The following UNC80 variants were observed in gnomAD, a reference collection of about 807,000 sequenced individuals.
UNC80 encodes the protein protein unc-80 homolog.
UNC80 carries 164 observed loss-of-function variants against 384.6 expected under a neutral mutation model. The observed-to-expected ratio is 0.43, with a 90% CI of 0.38 to 0.49. The LOEUF (loss-of-function observed/expected upper bound fraction) is 0.49, where lower values mean the gene tolerates loss of function less well. Among genes scored for constraint, UNC80 ranks in the 20% least tolerant of loss-of-function variants. UNC80 has a pLI of 0.00. For missense variants in UNC80, 3,330 were observed against 4,143.0 expected (o/e 0.80, Z 5.39); for synonymous variants, 1,486 against 1,527.8 (o/e 0.97, Z 0.64).
At chr2:209,785,115 A>AAGTG (rs2077352786) in intron 4 of UNC80, among the ~76,000 whole-genome samples, 1 of 152,190 alleles carries the variant, frequency 6.6e-6, no homozygotes, top group South Asian at 2.1e-4. Context: ...TAGGAGAGGT[A>AAGTG]AGTGATACCT....
In UNC80 at chr2:209,772,111, C is replaced by G. The variant is rs2076606129; in HGVS notation, c.39C>G (p.Asp13Glu). The G allele has an allele frequency of 6.5e-7, 1 of 1,549,066 alleles. No individual in the cohort carries two copies. Among genetic ancestry groups the G allele is most frequent in the Admixed American group, 2.0e-5 (1 of 50,934 alleles). ...AGAGCTCCGAGGGCCAGGAGCAGGA[C>G]GGCGGCCGCGGCATCCCCCTGCCCA... ...KRKSSEGQEQ[D>E]GGRGIPLPIQ... Residue 13 changes from aspartate (D) to glutamate (E), a missense_variant, in exon 1 of 65, where the codon GAC (aspartate) becomes GAG (glutamate). Around this residue, in one of 8 missense-constraint regions of UNC80, gnomAD observed 86 missense variants for 141.5 expected, o/e 0.61. Transcript: ENST00000673920.
chr2:209,856,418 A>C (rs2082923773), intron 22 of UNC80, among the ~76,000 whole-genome samples: 1 of 152,060 alleles, frequency 6.6e-6, no homozygotes, highest in Non-Finnish European at 1.5e-5. Context: ...CAATTTTTTC[A>C]TACATTTTAA....
At chr2:209,809,328 C>A in intron 7 of UNC80, 1 of 788,116 alleles carries the variant, frequency 1.3e-6, no homozygotes, top group East Asian at 2.5e-5. Flanking sequence ...TGCCCTTCGC[C>A]TGCGAAACCT....
At chr2:209,973,349 GATAA>G (rs886395407) in intron 56 of UNC80, 79 bp downstream of exon 56, 26 of 1,249,696 alleles carry the variant, frequency 2.1e-5, no homozygotes, top group African/African-American at 1.7e-4. Flanking sequence ...TAGATAGATA[GATAA>G]ATAAATAAAT....
At chr2:209,833,930 T>A in intron 16 of UNC80, 72 bp from the exon 17 acceptor site, 2 of 1,471,152 alleles carry the variant, frequency 1.4e-6, no homozygotes, top group Non-Finnish European at 1.8e-6. Context: ...ACTTTCTTCC[T>A]CTCTACCTGG....
chr2:209,945,807 A>T, intron 46 of UNC80, 40 bp from the exon 47 acceptor site: 1 of 1,410,702 alleles, frequency 7.1e-7, no homozygotes, highest in South Asian at 1.2e-5. Context: ...CTCCTGCAAA[A>T]TCCACTCTGA....
intron 18 of UNC80, among the ~76,000 whole-genome samples, chr2:209,838,217 C>T (rs1208251987): frequency 6.6e-6 from 1 of 152,068 alleles, no homozygotes; most frequent in Non-Finnish European, 1.5e-5. Context: ...TTTACCTCCC[C>T]ACTGGGAGTA....
Position 209,772,029 on chromosome 2 carries a change from A to G in UNC80, c.-44A>G. Reference sequence around the variant, plus strand: ...GAGGCGGCGGCGGCGGCTAGCGAGGAGACAGAGCTGGGTCCTGCAGTAGGA... The same window carrying G: ...GAGGCGGCGGCGGCGGCTAGCGAGGGGACAGAGCTGGGTCCTGCAGTAGGA... On this transcript the variant is annotated 5_prime_UTR_variant, in exon 1 of 65. Transcript: ENST00000673920. The G allele has an allele frequency of 7.0e-7, 1 of 1,423,374 alleles. No individual in the cohort carries two copies. The highest frequency in any genetic ancestry group is 9.7e-7 in the Non-Finnish European group (1 of 1,032,896). The allele number at this position is 1,423,374 out of a possible 1,614,324, so 88.2% of individuals were successfully genotyped here.
chr2:209,988,053 T>G (rs2093323985), intron 61 of UNC80, among the ~76,000 whole-genome samples: 1 of 152,172 alleles, frequency 6.6e-6, no homozygotes, highest in South Asian at 2.1e-4. Context: ...ATGTGGCACT[T>G]AAGATATAGT....
chr2:209,888,897 G>A (rs938901983), intron 26 of UNC80, among the ~76,000 whole-genome samples: 12 of 151,956 alleles, frequency 7.9e-5, no homozygotes, highest in South Asian at 4.2e-4. Flanking sequence ...GCATCTATTC[G>A]CACGAAATTC....
chr2:209,962,609 G>T (rs749234479), intron 51 of UNC80, among the ~76,000 whole-genome samples: 5 of 152,164 alleles, frequency 3.3e-5, no homozygotes, highest in Non-Finnish European at 5.9e-5. Flanking sequence ...CTATTTCATG[G>T]CCTGGATCAA....
intron 14 of UNC80, among the ~76,000 whole-genome samples, chr2:209,826,796 C>T (rs957134801): frequency 3.3e-5 from 5 of 151,844 alleles, no homozygotes; most frequent in East Asian, 1.9e-4. Context: ...TGAAATCATA[C>T]GAAAATATTC....
chr2:209,897,555 C>T (rs185668121), intron 28 of UNC80, among the ~76,000 whole-genome samples: 9 of 152,202 alleles, frequency 5.9e-5, no homozygotes, highest in Admixed American at 5.9e-4. Context: ...TAGAATCACC[C>T]TGACGATTTT....
At chr2:209,955,211 C>T (rs534664567) in intron 48 of UNC80, among the ~76,000 whole-genome samples, 71 of 152,186 alleles carry the variant, frequency 4.7e-4, no homozygotes, top group African/African-American at 1.3e-3. Flanking sequence ...AAATTGTCTA[C>T]GCCTCCACCA....
chr2:209,898,814 A>G (rs759049525), intron 28 of UNC80, among the ~76,000 whole-genome samples: 5 of 152,102 alleles, frequency 3.3e-5, no homozygotes, highest in Non-Finnish European at 5.9e-5. Context: ...CTCTATGTCC[A>G]TGAGTTCAAT....
chr2:209,935,469 A>C (rs1165487554), intron 39 of UNC80, among the ~76,000 whole-genome samples: 1 of 152,088 alleles, frequency 6.6e-6, no homozygotes, highest in Non-Finnish European at 1.5e-5. Flanking sequence ...TAAAAATAAA[A>C]ATTTTTTAAA....
chr2:209,860,565 T>A (rs1347689169), intron 22 of UNC80, among the ~76,000 whole-genome samples: 1 of 152,198 alleles, frequency 6.6e-6, no homozygotes, highest in Non-Finnish European at 1.5e-5. Context: ...TTTAGAATAG[T>A]TTTTTCTAAT....
At chr2:209,994,971 T>TA (rs1186956454) in intron 64 of UNC80, among the ~76,000 whole-genome samples, 1 of 152,214 alleles carries the variant, frequency 6.6e-6, no homozygotes, top group African/African-American at 2.4e-5. Context: ...AATGAATTCT[T>TA]AGAGTGTCAG....
intron 26 of UNC80, among the ~76,000 whole-genome samples, chr2:209,893,137 A>G (rs924046304): frequency 6.6e-6 from 1 of 152,244 alleles, no homozygotes; most frequent in African/African-American, 2.4e-5. Flanking sequence ...GAGAAACCTG[A>G]AACTAACATG....
Sources: allele counts gnomAD v4.1 joint callset (sites outside exome capture counted in the v4.1 genomes callset), GRCh38; gene constraint gnomAD v4.1.1; regional missense constraint gnomAD v4.1.1; transcripts MANE v1.5; gene names NCBI Gene and HGNC (gene_info 2026-07-23, HGNC 2026-07-21).